Variants in CREBBP observed in about 807,000 individuals in gnomAD.
The protein encoded by CREBBP is CREB-binding protein.
Under a neutral mutation model 265.0 loss-of-function variants are expected in CREBBP, and 19 were observed. The ratio of observed to expected loss-of-function variants is 0.07; its 90% CI spans 0.05 to 0.11. The LOEUF (loss-of-function observed/expected upper bound fraction) is 0.11. CREBBP is among the 10% of genes least tolerant of loss of function. The probability of loss-of-function intolerance (pLI) is 1.00; values close to 1 mark genes in which losing one functional copy is unlikely to be tolerated. For synonymous variants in CREBBP, 1,457 were observed against 1,223.7 expected (o/e 1.19, Z -3.98); for missense variants, 2,525 against 3,219.0 (o/e 0.78, Z 5.22).
intron 1 of CREBBP, among the ~76,000 whole-genome samples, chr16:3,856,542 A>G (rs1567368353): frequency 6.6e-6 from 1 of 152,182 alleles, no homozygotes; most frequent in Non-Finnish European, 1.5e-5. Context: ...GCTGGTCTCA[A>G]ACTCCTGGCC....
At chr16:3,734,137 G>A (rs1470193938) in intron 28 of CREBBP, among the ~76,000 whole-genome samples, 1 of 152,104 alleles carries the variant, frequency 6.6e-6, no homozygotes, top group Non-Finnish European at 1.5e-5. Flanking sequence ...ACAGGGAGCT[G>A]GTTCCGTTTC....
intron 5 of CREBBP, among the ~76,000 whole-genome samples, chr16:3,786,236 C>T (rs896859541): frequency 1.3e-5 from 2 of 152,090 alleles, no homozygotes; most frequent in African/African-American, 4.8e-5. Context: ...TGTGGTGGTG[C>T]GTGCCTGTCA....
At chr16:3,851,726 C>T (rs1354697503) in intron 1 of CREBBP, among the ~76,000 whole-genome samples, 4 of 151,394 alleles carry the variant, frequency 2.6e-5, no homozygotes, top group African/African-American at 4.8e-5. Context: ...CGGTGGCGGG[C>T]GCCTGTAGTC....
At chr16:3,807,998 T>G (rs1567329335) in intron 3 of CREBBP, among the ~76,000 whole-genome samples, 1 of 152,112 alleles carries the variant, frequency 6.6e-6, no homozygotes, top group Non-Finnish European at 1.5e-5. Context: ...CAGGGGTTCT[T>G]GTGAGACAGT....
At chr16:3,732,830 A>G (rs2051952987) in intron 28 of CREBBP, among the ~76,000 whole-genome samples, 1 of 151,930 alleles carries the variant, frequency 6.6e-6, no homozygotes, top group South Asian at 2.1e-4. Flanking sequence ...CCTCCCTAGT[A>G]GCTGAGATTA....
chr16:3,766,148 A>T (rs1020978685), intron 16 of CREBBP, among the ~76,000 whole-genome samples: 2 of 152,198 alleles, frequency 1.3e-5, no homozygotes, highest in Non-Finnish European at 2.9e-5. Flanking sequence ...AGCACAAAAG[A>T]TCCATTCCAA....
At chr16:3,801,257 G>C (rs1005950734) in intron 3 of CREBBP, among the ~76,000 whole-genome samples, 3 of 152,236 alleles carry the variant, frequency 2.0e-5, no homozygotes, top group Non-Finnish European at 4.4e-5. Context: ...AGGAAAACTG[G>C]TGAACAACAG....
At chr16:3,787,504 A>C (rs2053413997) in intron 5 of CREBBP, among the ~76,000 whole-genome samples, 2 of 152,212 alleles carry the variant, frequency 1.3e-5, no homozygotes, top group South Asian at 4.2e-4. Flanking sequence ...AAGAGGTGAA[A>C]ATCTCTGAAG....
chr16:3,791,834 G>T, intron 5 of CREBBP, 147 bp downstream of exon 5: 3 of 740,732 alleles, frequency 4.1e-6, no homozygotes, highest in Non-Finnish European at 7.3e-6. Context: ...CTCTGAGCTT[G>T]GCTGTACCTT....
chr16:3,821,856 C>T (rs1044197057), intron 2 of CREBBP, among the ~76,000 whole-genome samples: 1 of 152,090 alleles, frequency 6.6e-6, no homozygotes, highest in African/African-American at 2.4e-5. Context: ...ATGGTGAAAC[C>T]CTGTCTCTAC....
intron 1 of CREBBP, among the ~76,000 whole-genome samples, chr16:3,851,306 T>TAAAAAAAAAAA (rs1160251196): frequency 6.5e-5 from 5 of 76,500 alleles, no homozygotes; most frequent in East Asian, 3.4e-4. Context: ...AAAAAAAAAT[T>TAAAAAAAAAAA]AAAAAAAAAA....
At chr16:3,774,858 T>C (rs1473337483) in intron 11 of CREBBP, 165 bp from the exon 12 acceptor site, 3 of 927,304 alleles carry the variant, frequency 3.2e-6, no homozygotes, top group Non-Finnish European at 5.0e-6. Context: ...GGAACAGACT[T>C]CTCCATATCC....
At chr16:3,856,977 C>T (rs1423673576) in intron 1 of CREBBP, among the ~76,000 whole-genome samples, 1 of 152,154 alleles carries the variant, frequency 6.6e-6, no homozygotes, top group East Asian at 1.9e-4. Context: ...AACAGAACAG[C>T]TGGAAGCTGA....
intron 2 of CREBBP, among the ~76,000 whole-genome samples, chr16:3,849,450 TGTGTG>T (rs2054770963): frequency 4.5e-5 from 3 of 66,748 alleles, no homozygotes; most frequent in Admixed American, 1.5e-4. Context: ...TGTGTGTGTG[TGTGTG>T]TGTGTGTGTG....
rs2151334157 is a variant in CREBBP, at chr16:3,738,597, C to T, written c.4356G>A (p.Glu1452=). The T allele has an allele frequency of 6.2e-7, 1 of 1,613,620 alleles. No homozygotes were observed. Among genetic ancestry groups the T allele is most frequent in the Non-Finnish European group, 8.5e-7 (1 of 1,179,510 alleles). The part of the protein sequence containing the change: ...PRCLRTAVYH[E]ILIGYLEYVK... ...CATACTCTAAATATCCAATAAGGAT[C>T]TCATGGTAAACGGCTGTGCGGAGGC... The change falls in exon 26 of 31, where the codon GAG becomes GAA. Residue 1452 remains glutamate, a synonymous_variant. Coordinates refer to ENST00000262367, the MANE Select transcript of CREBBP (RefSeq NM_004380.3).
intron 19 of CREBBP, 45 bp downstream of exon 19, chr16:3,757,243 G>A (rs371050390): frequency 2.8e-6 from 4 of 1,431,164 alleles, no homozygotes; most frequent in African/African-American, 2.8e-5. Context: ...CCAGATGAAC[G>A]TGCCTTGCCC....
intron 2 of CREBBP, among the ~76,000 whole-genome samples, chr16:3,824,316 G>A (rs1233041544): frequency 3.3e-5 from 5 of 152,260 alleles, no homozygotes; most frequent in African/African-American, 1.2e-4. Flanking sequence ...CTCTGGGATG[G>A]GCCTGGATAG....
At chr16:3,800,474 CCTG>C (rs764430387) in intron 3 of CREBBP, among the ~76,000 whole-genome samples, 3 of 151,742 alleles carry the variant, frequency 2.0e-5, no homozygotes, top group Non-Finnish European at 4.4e-5. Flanking sequence ...AAGAGACGAG[CCTG>C]CTTTGTTTTT....
intron 19 of CREBBP, among the ~76,000 whole-genome samples, chr16:3,752,570 AC>A (rs1303726506): frequency 7.9e-5 from 12 of 152,018 alleles, no homozygotes; most frequent in Admixed American, 2.0e-4. Context: ...AAGACTTTCC[AC>A]CCATTTATCA....
Sources: gnomAD v4.1 joint callset for allele counts (sites outside exome capture counted in the v4.1 genomes callset) on GRCh38, gnomAD v4.1.1 for gene constraint, MANE v1.5 for transcripts, NCBI Gene and HGNC (gene_info 2026-07-23, HGNC 2026-07-21) for gene names.